Variants in COG5 observed in about 807,000 individuals in gnomAD.
The protein encoded by COG5 is conserved oligomeric Golgi complex subunit 5.
Under a neutral mutation model 110.4 loss-of-function variants are expected in COG5, and 86 were observed. That is an observed-to-expected ratio of 0.78 (90% CI 0.65 to 0.93). The LOEUF (loss-of-function observed/expected upper bound fraction) is 0.93. Among genes scored for constraint, COG5 ranks in the 40% least tolerant of loss-of-function variants. The pLI is 0.00. For missense variants in COG5, 1,077 were observed against 987.0 expected (o/e 1.09, Z -1.22); for synonymous variants, 360 against 334.6 (o/e 1.08, Z -0.83).
At chr7:107,424,665 T>C (rs888132775) in intron 6 of COG5, among the ~76,000 whole-genome samples, 1 of 152,196 alleles carries the variant, frequency 6.6e-6, no homozygotes, top group Admixed American at 6.5e-5. Context: ...TAAATGCCTA[T>C]ATGCTTAGCA....
intron 21 of COG5, chr7:107,207,814 G>A (rs1309725655): frequency 1.0e-6 from 1 of 985,280 alleles, no homozygotes; most frequent in African/African-American, 1.7e-5. Context: ...GCTCCAGAAA[G>A]CATCTGGTGT....
At chr7:107,370,036 TTTCTTA>T (rs1813987479) in intron 8 of COG5, among the ~76,000 whole-genome samples, 1 of 152,190 alleles carries the variant, frequency 6.6e-6, no homozygotes, top group South Asian at 2.1e-4. Flanking sequence ...TGTTTACCTT[TTTCTTA>T]TTGAGTTACA....
At position 107,289,892 on chromosome 7, in the gene COG5, A is replaced by C. The variant is rs552152349; in HGVS notation, c.1314-6160T>G. 2.0e-5 allele frequency among the ~76,000 whole-genome samples: 3 copies of C among 152,290 alleles called. No homozygotes were observed. In the East Asian group the frequency reaches 5.8e-4, roughly 29 times the overall value. On this transcript the variant is annotated intron_variant, in intron 12 of 21. Transcript: ENST00000297135. ...CTCCTGTGCCAAACTTGCTATGCCA[A>C]AGATAAAAGTTAAGCTTGGAAATTG...
chr7:107,348,704 G>C (rs1041226320), intron 10 of COG5, among the ~76,000 whole-genome samples: 1 of 152,030 alleles, frequency 6.6e-6, no homozygotes, highest in African/African-American at 2.4e-5. Flanking sequence ...GTTAACACGA[G>C]ACACATTTAC....
intron 10 of COG5, among the ~76,000 whole-genome samples, chr7:107,359,920 C>A (rs377360220): frequency 6.6e-6 from 1 of 151,350 alleles, no homozygotes; most frequent in South Asian, 2.1e-4. Flanking sequence ...GACCTGCCTG[C>A]AGAAGGGACC....
At chr7:107,324,419 C>G (rs746360251) in intron 11 of COG5, 21 bp downstream of exon 11, 1 of 1,431,764 alleles carries the variant, frequency 7.0e-7, no homozygotes, top group Admixed American at 1.7e-5. Context: ...AATTAATTTT[C>G]AAAATAAGTA....
chr7:107,541,702 G>GCGTGC (rs1487175231), intron 5 of COG5, among the ~76,000 whole-genome samples: 1 of 150,834 alleles, frequency 6.6e-6, no homozygotes, highest in Non-Finnish European at 1.5e-5. Context: ...GGAGGCTGAG[G>GCGTGC]CGTGCGGATC....
chr7:107,495,830 T>C (rs1014410086), intron 6 of COG5, among the ~76,000 whole-genome samples: 1 of 152,122 alleles, frequency 6.6e-6, no homozygotes, highest in African/African-American at 2.4e-5. Context: ...AGTATTTGAT[T>C]AACATAAAAG....
At chr7:107,378,163 AC>A (rs1814789786) in intron 7 of COG5, among the ~76,000 whole-genome samples, 2 of 152,278 alleles carry the variant, frequency 1.3e-5, no homozygotes, top group South Asian at 4.1e-4. Context: ...ACTCCAGCAG[AC>A]CTGCAGCAGA....
intron 14 of COG5, among the ~76,000 whole-genome samples, chr7:107,268,685 C>A (rs1027689425): frequency 6.6e-6 from 1 of 152,186 alleles, no homozygotes; most frequent in Non-Finnish European, 1.5e-5. Flanking sequence ...TAAGGTGTAT[C>A]ATAATTCTTT....
intron 6 of COG5, among the ~76,000 whole-genome samples, chr7:107,508,215 G>A (rs913370228): frequency 2.0e-5 from 3 of 152,194 alleles, no homozygotes; most frequent in Admixed American, 6.5e-5. Flanking sequence ...TAAAAAAACG[G>A]CACACCAGGG....
intron 8 of COG5, among the ~76,000 whole-genome samples, chr7:107,363,995 A>G (rs1188902549): frequency 1.3e-5 from 2 of 152,100 alleles, no homozygotes; most frequent in African/African-American, 4.8e-5. Flanking sequence ...GATATTCATC[A>G]CATAGTCTCA....
chr7:107,334,020 G>C (rs1469022667), intron 10 of COG5, among the ~76,000 whole-genome samples: 4 of 151,964 alleles, frequency 2.6e-5, no homozygotes, highest in Non-Finnish European at 4.4e-5. Context: ...AAGAATGCAT[G>C]GTTTACTAGT....
At chr7:107,235,595 C>T (rs567863433) in intron 18 of COG5, among the ~76,000 whole-genome samples, 133 of 152,138 alleles carry the variant, frequency 8.7e-4, no homozygotes, top group Non-Finnish European at 1.5e-3. Flanking sequence ...TCCAGCTACT[C>T]GGGAAGCTGA....
intron 10 of COG5, among the ~76,000 whole-genome samples, chr7:107,325,483 T>C (rs1809684119): frequency 6.6e-6 from 1 of 152,100 alleles, no homozygotes; most frequent in Admixed American, 6.6e-5. Flanking sequence ...AAACCCTGTC[T>C]CTACTAAAAA....
chr7:107,451,586 C>T (rs1347341916), intron 6 of COG5, among the ~76,000 whole-genome samples: 1 of 152,100 alleles, frequency 6.6e-6, no homozygotes, highest in African/African-American at 2.4e-5. Flanking sequence ...TCTTCTACCT[C>T]CCTCCATCTC....
At chr7:107,415,882 G>A (rs868806390) in intron 6 of COG5, among the ~76,000 whole-genome samples, 732 of 63,780 alleles carry the variant, frequency 0.011, 124 homozygotes, top group African/African-American at 0.066. Context: ...GTATGTGTGT[G>A]TATATACACA....
At chr7:107,515,075 T>C (rs906892761) in intron 6 of COG5, among the ~76,000 whole-genome samples, 8 of 152,162 alleles carry the variant, frequency 5.3e-5, no homozygotes, top group Admixed American at 4.6e-4. Flanking sequence ...GAAACCTAAT[T>C]GTTTGATAAA....
intron 11 of COG5, among the ~76,000 whole-genome samples, chr7:107,300,063 C>T (rs1183043026): frequency 6.6e-6 from 1 of 151,378 alleles, no homozygotes; most frequent in African/African-American, 2.4e-5. Context: ...CATATTTTAA[C>T]AAACTTAAAA....
Sources: gnomAD v4.1 joint callset for allele counts (sites outside exome capture counted in the v4.1 genomes callset) on GRCh38, gnomAD v4.1.1 for gene constraint, MANE v1.5 for transcripts, NCBI Gene and HGNC (gene_info 2026-07-23, HGNC 2026-07-21) for gene names.